The following FAM184B variants were observed in gnomAD, a reference collection of about 807,000 sequenced individuals.
FAM184B encodes family with sequence similarity 184 member B.
FAM184B carries 111 observed loss-of-function variants against 135.9 expected under a neutral mutation model. The ratio of observed to expected loss-of-function variants is 0.82; its 90% CI spans 0.70 to 0.96. The LOEUF is 0.96. FAM184B is among the 40% of genes least tolerant of loss of function. The pLI is 0.00. For synonymous variants in FAM184B, 552 were observed against 524.8 expected, an observed-to-expected ratio of 1.05 and a Z score of -0.71; for missense variants, 1,375 against 1,323.9, an observed-to-expected ratio of 1.04 and a Z score of -0.60.
At chr4:17,658,249 C>T (rs755128936) in intron 10 of FAM184B, 101 bp downstream of exon 10, 49 of 1,031,798 alleles carry the variant, frequency 4.7e-5, no homozygotes, top group Non-Finnish European at 6.0e-5. Flanking sequence ...GAAAGATGCT[C>T]GGGGGATTGG....
At position 17,639,390 on chromosome 4, in the gene FAM184B, C is replaced by T; in HGVS notation, c.2526G>A (p.Leu842=). ...AQKLRDQRRF[L]EETQQAQRAR... ...CCCGCTGGGCTTGCTGAGTCTCCTCCAGGAACCTGTGGTGGATGAAAGCAC... is the reference window on the plus strand; with the variant it reads ...CCCGCTGGGCTTGCTGAGTCTCCTCTAGGAACCTGTGGTGGATGAAAGCAC... Residue 842 remains leucine (L), a synonymous_variant, in exon 14 of 18, where the codon CTG becomes CTA. Coordinates refer to ENST00000265018, the MANE Select transcript of FAM184B (RefSeq NM_015688.2). 1 of 1,551,630 alleles carries T rather than the reference C, an allele frequency of 6.4e-7. No individual in the cohort carries two copies. Among genetic ancestry groups the T allele is most frequent in the Non-Finnish European group, 8.7e-7 (1 of 1,146,988 alleles).
At position 17,639,327 on chromosome 4, in the gene FAM184B, C is replaced by G; in HGVS notation, c.2589G>C (p.Lys863Asn). 6.4e-7 allele frequency: 1 copy of G among 1,551,788 alleles called. No homozygotes were observed. ...AATCTGCCACCATGGCCTGCATCTC[C>G]TTCCGGTGTTCCTGGCGCAGTGTCT... is the stretch of plus-strand genomic sequence containing the variant. ...EVETLRQEHR[K>N]EMQAMVADFS... Residue 863 changes from lysine to asparagine, a missense_variant, in exon 14 of 18, where the codon AAG (lysine) becomes AAC (asparagine). Coordinates refer to ENST00000265018, the MANE Select transcript of FAM184B (RefSeq NM_015688.2).
At chr4:17,745,959 G>T (rs904946393) in intron 1 of FAM184B, among the ~76,000 whole-genome samples, 3 of 152,094 alleles carry the variant, frequency 2.0e-5, no homozygotes, top group Admixed American at 1.3e-4. Context: ...TCACTACAAA[G>T]AACTTTTTTT....
intron 7 of FAM184B, among the ~76,000 whole-genome samples, chr4:17,683,108 G>A (rs1040172977): frequency 2.1e-4 from 32 of 152,130 alleles, no homozygotes; most frequent in East Asian, 9.7e-4. Context: ...GCAGAGCTTC[G>A]GCTCACCAGG....
In FAM184B at chr4:17,764,933, G is replaced by T. The variant is rs188928946; in HGVS notation, c.141+16226C>A. On this transcript the variant is annotated intron_variant, in intron 1 of 17. Transcript: ENST00000265018. Reference sequence around the variant, plus strand: ...TAAACAAAATTAGCTGGGTGTGGTTGCACACATCTGTAATCCCAGCTACTC... The same window carrying T: ...TAAACAAAATTAGCTGGGTGTGGTTTCACACATCTGTAATCCCAGCTACTC... Among the ~76,000 whole-genome samples the T allele has an allele frequency of 1.4e-4, 21 of 152,268 alleles. No individual in the cohort carries two copies. The East Asian group carries it at 3.9e-3, about 28-fold the overall frequency.
At chr4:17,639,165 A>G (rs2108928800) in intron 14 of FAM184B, 85 bp downstream of exon 14, 1 of 1,357,432 alleles carries the variant, frequency 7.4e-7, no homozygotes, top group African/African-American at 1.4e-5. Flanking sequence ...AAAACCAGGA[A>G]ATCCCAGGGT....
intron 12 of FAM184B, among the ~76,000 whole-genome samples, 196 bp from the exon 13 acceptor site, chr4:17,642,424 A>C (rs1038525849): frequency 3.3e-5 from 5 of 152,076 alleles, no homozygotes; most frequent in Admixed American, 1.3e-4. Context: ...GAGTTGGCCA[A>C]ATCTGGCCCT....
intron 11 of FAM184B, among the ~76,000 whole-genome samples, chr4:17,648,485 C>G (rs1715524997): frequency 6.6e-6 from 1 of 151,256 alleles, no homozygotes; most frequent in Non-Finnish European, 1.5e-5. Context: ...TAGCTGGGAC[C>G]AGGCAAGCAC....
At chr4:17,777,518 G>A (rs1718951150) in intron 1 of FAM184B, among the ~76,000 whole-genome samples, 1 of 151,940 alleles carries the variant, frequency 6.6e-6, no homozygotes, top group East Asian at 1.9e-4. Flanking sequence ...TCAAAATTAG[G>A]CAGAAAGAAA....
intron 7 of FAM184B, among the ~76,000 whole-genome samples, chr4:17,666,568 C>T (rs1560172013): frequency 7.1e-6 from 1 of 140,618 alleles, no homozygotes; most frequent in Non-Finnish European, 1.5e-5. Flanking sequence ...AGGTGATCTG[C>T]CCACCTCCGC....
In FAM184B at chr4:17,634,936, C is replaced by T. The variant is rs1381681163; in HGVS notation, c.2889+73G>A. 6 of 1,032,234 alleles carry T rather than the reference C, an allele frequency of 5.8e-6. No homozygotes were observed. In the Admixed American group the frequency reaches 1.2e-4, roughly 21 times the overall value. The allele number at this position is 1,032,234 out of a possible 1,614,324, so 63.9% of individuals were successfully genotyped here. Reference sequence around the variant, plus strand: ...TGAGCGTACACCAGCCCTTAAATAACCTGTGGTTACCTTTAAGAAAAACGA... The same window carrying T: ...TGAGCGTACACCAGCCCTTAAATAATCTGTGGTTACCTTTAAGAAAAACGA... On this transcript the variant is annotated intron_variant, in intron 16 of 17. Coordinates refer to ENST00000265018, the MANE Select transcript of FAM184B (RefSeq NM_015688.2).
At chr4:17,774,845 C>T (rs1718890732) in intron 1 of FAM184B, among the ~76,000 whole-genome samples, 1 of 152,172 alleles carries the variant, frequency 6.6e-6, no homozygotes, top group African/African-American at 2.4e-5. Context: ...TATTTTACCC[C>T]ATTTTGTCTC....
At chr4:17,738,647 T>C (rs1437309225) in intron 1 of FAM184B, among the ~76,000 whole-genome samples, 2 of 152,102 alleles carry the variant, frequency 1.3e-5, no homozygotes, top group East Asian at 1.9e-4. Context: ...AAAATCTTAG[T>C]TCTTTCTACT....
At chr4:17,780,866 G>GACAC (rs113026642) in intron 1 of FAM184B, among the ~76,000 whole-genome samples, 2 of 151,346 alleles carry the variant, frequency 1.3e-5, no homozygotes, top group African/African-American at 2.4e-5. Context: ...AGCTGGCGGG[G>GACAC]ACACACACAC....
At chr4:17,674,250 C>T (rs1716259836) in intron 7 of FAM184B, among the ~76,000 whole-genome samples, 1 of 152,074 alleles carries the variant, frequency 6.6e-6, no homozygotes, top group South Asian at 2.1e-4. Flanking sequence ...TTCCAGACTA[C>T]CACAATAAAG....
intron 5 of FAM184B, among the ~76,000 whole-genome samples, chr4:17,698,243 C>T (rs543143212): frequency 2.0e-5 from 3 of 152,296 alleles, no homozygotes; most frequent in Admixed American, 1.3e-4. Flanking sequence ...TCTATTCTCA[C>T]TGAACTTTCA....
At chr4:17,723,596 G>A (rs1210242831) in intron 1 of FAM184B, among the ~76,000 whole-genome samples, 1 of 152,154 alleles carries the variant, frequency 6.6e-6, no homozygotes, top group African/African-American at 2.4e-5. Flanking sequence ...CCCATCTCTT[G>A]TCTCTGACTT....
intron 3 of FAM184B, among the ~76,000 whole-genome samples, chr4:17,706,826 C>A (rs997932224): frequency 3.3e-5 from 5 of 151,970 alleles, no homozygotes; most frequent in African/African-American, 1.2e-4. Flanking sequence ...GTTGCTATTG[C>A]CCAGGCTGGA....
chr4:17,728,330 T>C (rs964090472), intron 1 of FAM184B, among the ~76,000 whole-genome samples: 3 of 152,050 alleles, frequency 2.0e-5, no homozygotes, highest in Admixed American at 6.6e-5. Context: ...GAGGCTGCAG[T>C]GAGCTATGAT....
Sources: allele counts gnomAD v4.1 joint callset (sites outside exome capture counted in the v4.1 genomes callset), GRCh38; gene constraint gnomAD v4.1.1; transcripts MANE v1.5; gene names NCBI Gene and HGNC (gene_info 2026-07-23, HGNC 2026-07-21).